HSD17B12: variants seen among roughly 807,000 people sequenced by gnomAD.
The protein encoded by HSD17B12 is hydroxysteroid 17-beta dehydrogenase 12.
A neutral mutation model predicts 39.3 loss-of-function variants in HSD17B12; 32 were observed. The observed-to-expected ratio is 0.81, with a 90% confidence interval of 0.61 to 1.09. The LOEUF is 1.09. HSD17B12 is among the 50% of genes least tolerant of loss of function. The pLI, the probability that HSD17B12 is intolerant of heterozygous loss-of-function variation, is 0.00. For synonymous variants in HSD17B12, 150 were observed against 146.7 expected, an observed-to-expected ratio of 1.02 and a Z score of -0.16; for missense variants, 342 against 382.9, an observed-to-expected ratio of 0.89 and a Z score of 0.89.
chr11:43,713,845 T>A (rs1163984597), intron 1 of HSD17B12, among the ~76,000 whole-genome samples: 1 of 152,354 alleles, frequency 6.6e-6, no homozygotes, highest in East Asian at 1.9e-4. Context: ...GGTATCTCAT[T>A]GTGGTTTTGA....
chr11:43,685,300 C>T (rs1182760215), intron 1 of HSD17B12, among the ~76,000 whole-genome samples: 2 of 14,318 alleles, frequency 1.4e-4, no homozygotes, highest in African/African-American at 2.4e-4. Flanking sequence ...AAAGGATTCT[C>T]AAAATCACAG....
At chr11:43,673,097 CAAGTG>C in the HSD17B12 span, 1 of 152,168 alleles carries the variant, frequency 6.6e-6, no homozygotes, top group African/African-American at 2.4e-5. Flanking sequence ...ATTTTACAGC[CAAGTG>C]AAGGATTCAG....
intron 1 of HSD17B12, among the ~76,000 whole-genome samples, chr11:43,714,199 A>T (rs1340238087): frequency 6.6e-6 from 1 of 152,208 alleles, no homozygotes; most frequent in Non-Finnish European, 1.5e-5. Context: ...GTCCTTGCCC[A>T]TGCCTATGTC....
intron 1 of HSD17B12, among the ~76,000 whole-genome samples, chr11:43,692,793 A>G (rs1403792117): frequency 1.3e-5 from 2 of 152,212 alleles, no homozygotes; most frequent in African/African-American, 4.8e-5. Flanking sequence ...GAATTGTTGA[A>G]GACTCTGGAC....
intron 4 of HSD17B12, among the ~76,000 whole-genome samples, chr11:43,811,526 G>A (rs1201847754): frequency 1.3e-5 from 2 of 152,034 alleles, no homozygotes; most frequent in Non-Finnish European, 2.9e-5. Flanking sequence ...GCCCTTCTCC[G>A]TGATACTATT....
chr11:43,712,122 G>T (rs1313866089), intron 1 of HSD17B12, among the ~76,000 whole-genome samples: 1 of 152,138 alleles, frequency 6.6e-6, no homozygotes, highest in Non-Finnish European at 1.5e-5. Flanking sequence ...TGGAGGCTTT[G>T]TCTGTATAAT....
chr11:43,801,574 C>T (rs2135051643), intron 4 of HSD17B12, among the ~76,000 whole-genome samples: 1 of 122,434 alleles, frequency 8.2e-6, no homozygotes, highest in South Asian at 2.7e-4. Flanking sequence ...TCTAAGTTGA[C>T]TTGTTTAGTT....
the HSD17B12 span, among the ~76,000 whole-genome samples, chr11:43,596,398 A>T: frequency 1.3e-5 from 2 of 152,100 alleles, no homozygotes; most frequent in African/African-American, 4.8e-5. Context: ...TTTTCTGGCT[A>T]GGGCATTTTC....
chr11:43,820,700 TTA>T (rs1386998465), intron 6 of HSD17B12, among the ~76,000 whole-genome samples: 3 of 152,220 alleles, frequency 2.0e-5, no homozygotes, highest in Non-Finnish European at 4.4e-5. Context: ...GGGCCAAGTT[TTA>T]TCTCCTCACT....
At chr11:43,579,767 G>T in the HSD17B12 span, among the ~76,000 whole-genome samples, 1 of 152,092 alleles carries the variant, frequency 6.6e-6, no homozygotes, top group Non-Finnish European at 1.5e-5. Flanking sequence ...GGAGCTGCAG[G>T]AGGGTGATGG....
At chr11:43,730,227 A>G (rs1950256321) in intron 1 of HSD17B12, among the ~76,000 whole-genome samples, 1 of 152,204 alleles carries the variant, frequency 6.6e-6, no homozygotes, top group Non-Finnish European at 1.5e-5. Context: ...CCAGGACCAG[A>G]AAATAGGTTT....
chr11:43,561,056 A>T, the HSD17B12 span, among the ~76,000 whole-genome samples: 12 of 152,148 alleles, frequency 7.9e-5, no homozygotes, highest in Non-Finnish European at 1.3e-4. Flanking sequence ...TCATCTGCTG[A>T]TCTCTTCACT....
the HSD17B12 span, among the ~76,000 whole-genome samples, chr11:43,605,206 C>T: frequency 6.6e-6 from 1 of 152,080 alleles, no homozygotes; most frequent in Admixed American, 6.6e-5. Flanking sequence ...CCCTTCCCTT[C>T]CCATTTCTGT....
chr11:43,580,171 C>T, the HSD17B12 span, among the ~76,000 whole-genome samples: 1 of 144,456 alleles, frequency 6.9e-6, no homozygotes, highest in Non-Finnish European at 1.5e-5. Flanking sequence ...GGGGGCCGAG[C>T]GGGATGGAGG....
At chr11:43,722,030 T>C (rs1950180840) in intron 1 of HSD17B12, among the ~76,000 whole-genome samples, 2 of 152,086 alleles carry the variant, frequency 1.3e-5, no homozygotes, top group African/African-American at 2.4e-5. Flanking sequence ...ATACGTGGTA[T>C]GTATTAGACA....
At chr11:43,625,036 A>C in the HSD17B12 span, among the ~76,000 whole-genome samples, 1 of 151,824 alleles carries the variant, frequency 6.6e-6, no homozygotes. Flanking sequence ...ACTGCTCTAC[A>C]TAAATGTTCA....
chr11:43,642,143 T>C, the HSD17B12 span, among the ~76,000 whole-genome samples: 1 of 151,736 alleles, frequency 6.6e-6, no homozygotes, highest in Non-Finnish European at 1.5e-5. Context: ...AAATATACTT[T>C]AAAAATTCAT....
At chr11:43,789,948 C>A (rs1950851963) in intron 3 of HSD17B12, among the ~76,000 whole-genome samples, 1 of 152,048 alleles carries the variant, frequency 6.6e-6, no homozygotes, top group South Asian at 2.1e-4. Context: ...CACTGCCTCC[C>A]CCCCGCAAAA....
rs61576463 is a variant in HSD17B12, at chr11:43,829,561, T to C, written c.502-1415T>C. 160 of 152,214 alleles carry C rather than the reference T, an allele frequency of 1.1e-3. 2 individuals are homozygous for C. The East Asian group carries it at 0.027, about 26-fold the overall frequency. The allele number at this position is 152,214 out of a possible 1,614,324, so 9.4% of individuals were successfully genotyped here. A position where few individuals can be genotyped will look rare whatever the true frequency, so the allele number is the denominator to read the frequency against. On this transcript the variant is annotated intron_variant, in intron 6 of 10. Coordinates refer to ENST00000278353, the MANE Select transcript of HSD17B12 (RefSeq NM_016142.3). ...TATTCCCCCATCTCCCTGCCCCCAA[T>C]ATTCCAACTGGAAATAGAAGAGGGA...
Sources: allele counts gnomAD v4.1 joint callset (sites outside exome capture counted in the v4.1 genomes callset), GRCh38; gene constraint gnomAD v4.1.1; transcripts MANE v1.5; gene names NCBI Gene and HGNC (gene_info 2026-07-23, HGNC 2026-07-21).